NR3C2: variants seen among roughly 807,000 people sequenced by gnomAD.
The protein encoded by NR3C2 is nuclear receptor subfamily 3 group C member 2.
NR3C2 carries 15 observed loss-of-function variants against 86.4 expected under a neutral mutation model. That is an observed-to-expected ratio of 0.17 (90% CI 0.12 to 0.27). The LOEUF (loss-of-function observed/expected upper bound fraction) is 0.27, where lower values mean the gene tolerates loss of function less well. Among genes scored for constraint, NR3C2 ranks in the 10% least tolerant of loss-of-function variants. The pLI, the probability that NR3C2 is intolerant of heterozygous loss-of-function variation, is 1.00. For synonymous variants in NR3C2, 458 were observed against 450.5 expected, an observed-to-expected ratio of 1.02 and a Z score of -0.21; for missense variants, 960 against 1,195.6, an observed-to-expected ratio of 0.80 and a Z score of 2.91.
At chr4:148,194,190 T>C (rs1267428550) in intron 4 of NR3C2, among the ~76,000 whole-genome samples, 1 of 152,224 alleles carries the variant, frequency 6.6e-6, no homozygotes, top group Non-Finnish European at 1.5e-5. Context: ...TATTTACAGA[T>C]TAACTTAGGG....
At chr4:148,381,601 TGTAGA>T (rs1449062968) in intron 2 of NR3C2, among the ~76,000 whole-genome samples, 1 of 152,202 alleles carries the variant, frequency 6.6e-6, no homozygotes, top group African/African-American at 2.4e-5. Flanking sequence ...AAAGTTCATG[TGTAGA>T]GTAATCTTTA....
At chr4:148,136,797 C>G (rs1733367643) in intron 6 of NR3C2, among the ~76,000 whole-genome samples, 1 of 152,152 alleles carries the variant, frequency 6.6e-6, no homozygotes, top group African/African-American at 2.4e-5. Flanking sequence ...GCTTTTTAAA[C>G]TCGAGTGCCC....
intron 2 of NR3C2, among the ~76,000 whole-genome samples, chr4:148,323,544 A>C (rs1380469365): frequency 8.6e-6 from 1 of 116,126 alleles, no homozygotes; most frequent in Non-Finnish European, 2.0e-5. Flanking sequence ...CCGTGAGTGT[A>C]GGACCCTCCG....
At chr4:148,210,952 T>C (rs1455853835) in intron 3 of NR3C2, among the ~76,000 whole-genome samples, 1 of 152,180 alleles carries the variant, frequency 6.6e-6, no homozygotes, top group Non-Finnish European at 1.5e-5. Flanking sequence ...TTTGCTTCTA[T>C]GGTCCTGAAA....
intron 2 of NR3C2, among the ~76,000 whole-genome samples, chr4:148,343,170 A>G (rs1283320983): frequency 1.3e-5 from 2 of 152,204 alleles, no homozygotes; most frequent in African/African-American, 4.8e-5. Flanking sequence ...AAGCAAAGAT[A>G]GATACTCATT....
intron 2 of NR3C2, among the ~76,000 whole-genome samples, chr4:148,374,410 G>A (rs1746571924): frequency 6.6e-6 from 1 of 152,212 alleles, no homozygotes; most frequent in Non-Finnish European, 1.5e-5. Flanking sequence ...CACAGATGAG[G>A]AAACCGGGCC....
intron 2 of NR3C2, among the ~76,000 whole-genome samples, chr4:148,359,875 C>T (rs1341074718): frequency 6.6e-6 from 1 of 152,164 alleles, no homozygotes; most frequent in Non-Finnish European, 1.5e-5. Context: ...ATCAGCTTAT[C>T]CCATGTAACT....
At chr4:148,276,015 T>G (rs887127867) in intron 2 of NR3C2, among the ~76,000 whole-genome samples, 1 of 152,214 alleles carries the variant, frequency 6.6e-6, no homozygotes, top group African/African-American at 2.4e-5. Flanking sequence ...TAGTACTATT[T>G]AAATATTATT....
At chr4:148,312,482 G>A (rs529146610) in intron 2 of NR3C2, among the ~76,000 whole-genome samples, 2 of 152,056 alleles carry the variant, frequency 1.3e-5, no homozygotes, top group Admixed American at 6.5e-5. Flanking sequence ...TACCATTATC[G>A]AAATAGCACT....
At chr4:148,271,789 T>C (rs1740698984) in intron 2 of NR3C2, among the ~76,000 whole-genome samples, 1 of 152,160 alleles carries the variant, frequency 6.6e-6, no homozygotes, top group Non-Finnish European at 1.5e-5. Context: ...AACATTTAAT[T>C]TAAATTAAAA....
At chr4:148,362,974 A>G (rs530604110) in intron 2 of NR3C2, among the ~76,000 whole-genome samples, 9 of 152,264 alleles carry the variant, frequency 5.9e-5, no homozygotes, top group African/African-American at 1.9e-4. Context: ...CTACACAACT[A>G]CAACGGGATG....
chr4:148,081,093 C>A lies in NR3C2; in HGVS notation c.*251G>T. The A allele has an allele frequency of 1.9e-6, 1 of 523,792 alleles. No individual in the cohort carries two copies. Among genetic ancestry groups the A allele is most frequent in the South Asian group, 2.1e-5 (1 of 48,004 alleles). The allele number at this position is 523,792 out of a possible 1,614,324, so 32.4% of individuals were successfully genotyped here. A position where few individuals can be genotyped will look rare whatever the true frequency, so the allele number is the denominator to read the frequency against. On this transcript the variant is annotated 3_prime_UTR_variant, in exon 9 of 9. Coordinates refer to ENST00000358102, the MANE Select transcript of NR3C2 (RefSeq NM_000901.5). ...ATTGACTAGATATGGCTTTTCATCC[C>A]GAGGAACAGGAACATGTTTCTAAGC...
chr4:148,443,988 T>G (rs1750478115), upstream of NR3C2: 1 of 985,034 alleles, frequency 1.0e-6, no homozygotes, highest in Non-Finnish European at 1.2e-6. Context: ...GGTCCCCAGC[T>G]TGGAGCTGCC....
intron 6 of NR3C2, among the ~76,000 whole-genome samples, chr4:148,125,141 C>T (rs1732684493): frequency 1.3e-5 from 2 of 152,198 alleles, no homozygotes; most frequent in African/African-American, 4.8e-5. Flanking sequence ...TTGCTACTGC[C>T]ATGGGTATAA....
intron 2 of NR3C2, among the ~76,000 whole-genome samples, chr4:148,340,185 A>G (rs957232788): frequency 6.6e-6 from 1 of 152,190 alleles, no homozygotes; most frequent in Admixed American, 6.6e-5. Context: ...TGGAACCACA[A>G]AAGACTCCGA....
At chr4:148,389,356 C>T (rs374576007) in intron 2 of NR3C2, among the ~76,000 whole-genome samples, 8 of 152,200 alleles carry the variant, frequency 5.3e-5, no homozygotes, top group East Asian at 1.9e-4. Context: ...CTATAGGACA[C>T]GGGTAAAAGG....
In NR3C2 at chr4:148,436,197, T is replaced by C. The variant is rs374672844; in HGVS notation, c.664A>G (p.Ser222Gly). 3.1e-6 allele frequency: 5 copies of C among 1,614,154 alleles called. No individual in the cohort carries two copies. The highest frequency in any genetic ancestry group is 4.2e-6 in the Non-Finnish European group (5 of 1,180,014). Reference protein sequence around the residue: ...SVSSTTASFGSFPVHSPITQG... With the variant: ...SVSSTTASFGGFPVHSPITQG... ...GTGATTGGGCTGTGCACTGGAAAAC[T>C]GCCAAAGCTGGCTGTGGTGGAGGAC... Residue 222 changes from serine (S) to glycine (G), a missense_variant, in exon 2 of 9, where the codon AGT becomes GGT. This residue lies in a region of NR3C2 where 680 missense variants were observed against 719.0 expected (regional missense o/e 0.95). Coordinates refer to ENST00000358102, the MANE Select transcript of NR3C2 (RefSeq NM_000901.5).
intron 8 of NR3C2, among the ~76,000 whole-genome samples, chr4:148,107,026 A>G (rs1053740963): frequency 3.3e-5 from 5 of 152,240 alleles, no homozygotes; most frequent in African/African-American, 7.2e-5. Context: ...TAATCACGCT[A>G]AAGAGCTTCT....
chr4:148,388,607 C>A (rs1046777482), intron 2 of NR3C2, among the ~76,000 whole-genome samples: 23 of 152,254 alleles, frequency 1.5e-4, no homozygotes, highest in African/African-American at 5.5e-4. Context: ...TAAAATCAGA[C>A]AGAAAATTTT....
Sources: gnomAD v4.1 joint callset for allele counts (sites outside exome capture counted in the v4.1 genomes callset) on GRCh38, gnomAD v4.1.1 for gene constraint, gnomAD v4.1.1 regional missense constraint, MANE v1.5 for transcripts, NCBI Gene and HGNC (gene_info 2026-07-23, HGNC 2026-07-21) for gene names.